ABCA5: variants seen among roughly 807,000 people sequenced by gnomAD.
ABCA5 encodes ATP binding cassette subfamily A member 5, also known as cholesterol transporter ABCA5.
In ABCA5, 163 loss-of-function variants were observed where a neutral mutation model predicts 206.0. That is an observed-to-expected ratio of 0.79 (90% CI 0.70 to 0.90). The LOEUF (loss-of-function observed/expected upper bound fraction) is 0.90. Ranked by LOEUF, ABCA5 falls within the 40% of genes least tolerant of loss-of-function variation. ABCA5 has a pLI of 0.00. For missense variants in ABCA5, 1,859 were observed against 1,912.9 expected (o/e 0.97, Z 0.53); for synonymous variants, 609 against 613.8 (o/e 0.99, Z 0.11).
Position 69,247,283 on chromosome 17 carries a change from G to A in ABCA5, c.*254C>T, listed in dbSNP as rs116585142. The A allele has an allele frequency of 2.5e-3, 675 of 269,442 alleles. 11 individuals carry two copies. The highest frequency in any genetic ancestry group is 0.014 in the African/African-American group (646 of 45,280). 16.7% of individuals were successfully genotyped at this position (269,442 alleles called of 1,614,324 possible). On this transcript the variant is annotated 3_prime_UTR_variant, in exon 39 of 39. Coordinates refer to ENST00000392676, the MANE Select transcript of ABCA5 (RefSeq NM_172232.4). ...AATTCAGAAGCACTGTTTCTGAATGGTGAAAAAGATGACATACAAACTATA... is the reference window on the plus strand; with the variant it reads ...AATTCAGAAGCACTGTTTCTGAATGATGAAAAAGATGACATACAAACTATA...
intron 6 of ABCA5, among the ~76,000 whole-genome samples, chr17:69,305,996 T>C (rs572700091): frequency 2.6e-5 from 4 of 152,292 alleles, no homozygotes; most frequent in East Asian, 3.9e-4. Flanking sequence ...ATTGGGCTAA[T>C]TGGAATAAAA....
At position 69,253,776 on chromosome 17, in the gene ABCA5, G is replaced by C; in HGVS notation, c.4320+18C>G. 1 of 1,601,054 alleles carries C rather than the reference G, an allele frequency of 6.2e-7. No homozygotes were observed. The highest frequency in any genetic ancestry group is 1.1e-5 in the South Asian group (1 of 90,672). On this transcript the variant is annotated intron_variant, in intron 33 of 38. Coordinates refer to ENST00000392676, the MANE Select transcript of ABCA5 (RefSeq NM_172232.4). ...ATCAATAAAAATACAGGCATTATTT[G>C]GTGTTTAATGAAAGTACCTTTCGTT...
intron 11 of ABCA5, among the ~76,000 whole-genome samples, chr17:69,293,833 G>GGTGTGTGTGTGTGTGT (rs61315865): frequency 7.5e-4 from 93 of 123,754 alleles, no homozygotes; most frequent in East Asian, 2.4e-3. Context: ...CAATCATACT[G>GGTGTGTGTGTGTGTGT]GTGTGTGTGT....
chr17:69,253,453 T>G (rs2075039042), intron 34 of ABCA5, 120 bp downstream of exon 34: 3 of 559,746 alleles, frequency 5.4e-6, no homozygotes, highest in Non-Finnish European at 9.2e-6. Context: ...TAATTACTAG[T>G]GTATCGTTTG....
At chr17:69,265,466 T>C (rs988159922) in intron 23 of ABCA5, among the ~76,000 whole-genome samples, 2 of 152,156 alleles carry the variant, frequency 1.3e-5, no homozygotes, top group African/African-American at 4.8e-5. Flanking sequence ...GTCACAAGTT[T>C]GTTAATGGTA....
chr17:69,288,052 A>C (rs2075479586), intron 14 of ABCA5, among the ~76,000 whole-genome samples: 1 of 152,232 alleles, frequency 6.6e-6, no homozygotes, highest in African/African-American at 2.4e-5. Context: ...ATTATCCTTA[A>C]CAATTAAATT....
At chr17:69,276,804 AT>A (rs775726186) in intron 19 of ABCA5, among the ~76,000 whole-genome samples, 45 of 152,358 alleles carry the variant, frequency 3.0e-4, no homozygotes, top group Admixed American at 1.6e-3. Flanking sequence ...GTATAAAAAA[AT>A]AATAAAATAA....
Position 69,306,992 on chromosome 17 carries a change from G to C in ABCA5, c.559-38C>G, listed in dbSNP as rs371730184. On this transcript the variant is annotated intron_variant, in intron 5 of 38. Transcript: ENST00000392676. ...AATGTAAATACATCAAATTAATTTA[G>C]TTATGATAGCAGCCCCTAGTAAAAC... is the stretch of plus-strand genomic sequence containing the variant. 2.8e-6 allele frequency: 4 copies of C among 1,418,356 alleles called. No homozygotes were observed. In the African/African-American group the frequency reaches 5.9e-5, roughly 21 times the overall value. The allele number at this position is 1,418,356 out of a possible 1,614,324, so 87.9% of individuals were successfully genotyped here.
rs1176172773 is a variant in ABCA5, at chr17:69,303,759, T to TA, written c.931-854dup. On this transcript the variant is annotated intron_variant, in intron 7 of 38. Coordinates refer to ENST00000392676, the MANE Select transcript of ABCA5 (RefSeq NM_172232.4). The stretch of plus-strand genomic sequence containing the variant: ...TGGACACTTAGGAAGACCTCGACTC[T>TA]AAAAAAAAAAAAAAAAAAAAAAAAA... 6.9e-3 allele frequency among the ~76,000 whole-genome samples: 17 copies of TA among 2,452 alleles called. 4 individuals are homozygous for TA. The highest frequency in any genetic ancestry group is 0.036 in the East Asian group (1 of 28). 1.6% of individuals were successfully genotyped at this position (2,452 alleles called of 152,430 possible).
intron 21 of ABCA5, among the ~76,000 whole-genome samples, chr17:69,270,952 A>G (rs1293613155): frequency 6.6e-6 from 1 of 152,168 alleles, no homozygotes; most frequent in Non-Finnish European, 1.5e-5. Flanking sequence ...CAAGCATATA[A>G]TTTTTTAAAA....
chr17:69,319,348 T>C lies in ABCA5; in HGVS notation c.-15-4918A>G, dbSNP rs150134431. On this transcript the variant is annotated intron_variant, in intron 1 of 38. Transcript: ENST00000392676. ...TCTTCATTTTTATATAACAGACTCA[T>C]AGAGTAGATGGATTCACAGAATTTT... Among the ~76,000 whole-genome samples the C allele has an allele frequency of 1.5e-3, 229 of 152,352 alleles. 1 individual carries two copies. The highest frequency in any genetic ancestry group is 1.0e-3 in the Non-Finnish European group (69 of 68,034).
At chr17:69,312,428 A>G (rs551137652) in intron 3 of ABCA5, among the ~76,000 whole-genome samples, 1 of 152,278 alleles carries the variant, frequency 6.6e-6, no homozygotes, top group African/African-American at 2.4e-5. Context: ...TAAATAAAAC[A>G]GAGTTAGGGA....
chr17:69,262,104 T>C (rs1016812544), intron 24 of ABCA5, among the ~76,000 whole-genome samples: 1 of 152,198 alleles, frequency 6.6e-6, no homozygotes, highest in African/African-American at 2.4e-5. Context: ...ATCAACCTCA[T>C]GTAACTCTGT....
rs181310066 is a variant in ABCA5, at chr17:69,303,009, T to C, written c.931-103A>G. 4.2e-4 allele frequency: 237 copies of C among 559,282 alleles called. 2 individuals are homozygous for C. The South Asian group carries it at 0.01, about 24-fold the overall frequency. 34.6% of individuals were successfully genotyped at this position (559,282 alleles called of 1,614,324 possible). ...AAGAACAAGCTATTTTCATGAAAAA[T>C]GCATTCATAAAAATACAACTATAAT... On this transcript the variant is annotated intron_variant, in intron 7 of 38. Coordinates refer to ENST00000392676, the MANE Select transcript of ABCA5 (RefSeq NM_172232.4).
intron 1 of ABCA5, among the ~76,000 whole-genome samples, chr17:69,322,472 T>C (rs945075179): frequency 4.0e-5 from 6 of 150,590 alleles, no homozygotes; most frequent in African/African-American, 1.5e-4. Flanking sequence ...TTAGAAATAA[T>C]TGTTAGAGAA....
rs762734133 is a variant in ABCA5 at position 69,254,412 on chromosome 17, TTATC to T, written c.4143_4146del (p.Ile1382ThrfsTer22). ...AATGTAGTATCTGGCCACAAAGGGT[TTATC>T]TGAGGACAGTAACCCATACACTTCA... On this transcript the variant is annotated frameshift_variant, in exon 32 of 39. Coordinates refer to ENST00000392676, the MANE Select transcript of ABCA5 (RefSeq NM_172232.4). LOFTEE classifies it high-confidence loss of function. 32 of 1,613,720 alleles carry T rather than the reference TTATC, an allele frequency of 2.0e-5. No homozygotes were observed. The highest frequency in any genetic ancestry group is 2.6e-5 in the Non-Finnish European group (31 of 1,179,844).
intron 14 of ABCA5, among the ~76,000 whole-genome samples, chr17:69,288,375 A>T (rs973920645): frequency 8.5e-5 from 13 of 152,348 alleles, no homozygotes; most frequent in African/African-American, 2.4e-4. Context: ...AGCATAAAAC[A>T]AATACATACA....
rs1567754359 is a variant in ABCA5, at chr17:69,261,741, C to T, written c.3323G>A (p.Cys1108Tyr). 2 of 1,392,158 alleles carry T rather than the reference C, an allele frequency of 1.4e-6. No individual in the cohort carries two copies. The highest frequency in any genetic ancestry group is 2.7e-5 in the Admixed American group (1 of 37,018). The allele number at this position is 1,392,158 out of a possible 1,614,324, so 86.2% of individuals were successfully genotyped here. A position where few individuals can be genotyped will look rare whatever the true frequency, so the allele number is the denominator to read the frequency against. ...AACTGATGGAACATAACCAATAAGG[C>T]AAAAAACCTGTAAATCAGAAATATG... ...YTVKFLAVVF[C>Y]LIGYVPSVIL... The change falls in exon 25 of 39, where the codon TGC becomes TAC. Residue 1108 changes from cysteine to tyrosine, a missense_variant. By Grantham distance (194) the Cys-to-Tyr change is radical. Transcript: ENST00000392676.
rs1347093709 is a variant in ABCA5 at position 69,322,722 on chromosome 17, G to A, written c.-16+4330C>T. On this transcript the variant is annotated intron_variant, in intron 1 of 38. Transcript: ENST00000392676. ...GTAAAACAACTCACTGCACAGCAGAGGAGGTACTAAATACCTGTGGAATAA... is the reference window on the plus strand; with the variant it reads ...GTAAAACAACTCACTGCACAGCAGAAGAGGTACTAAATACCTGTGGAATAA... 2.0e-5 allele frequency among the ~76,000 whole-genome samples: 3 copies of A among 151,762 alleles called. No homozygotes were observed. In the East Asian group the frequency reaches 5.8e-4, roughly 29 times the overall value.
Sources: gnomAD v4.1 joint callset for allele counts (sites outside exome capture counted in the v4.1 genomes callset) on GRCh38, gnomAD v4.1.1 for gene constraint, MANE v1.5 for transcripts, NCBI Gene and HGNC (gene_info 2026-07-23, HGNC 2026-07-21) for gene names.